PRKCB: variants seen among roughly 807,000 people sequenced by gnomAD.
PRKCB encodes protein kinase C beta.
In PRKCB, 13 loss-of-function variants were observed where a neutral mutation model predicts 81.5. That is an observed-to-expected ratio of 0.16 (90% CI 0.10 to 0.25). The LOEUF is 0.25. Ranked by LOEUF, PRKCB falls within the 10% of genes least tolerant of loss-of-function variation. The probability of loss-of-function intolerance (pLI) is 1.00; values close to 1 mark genes in which losing one functional copy is unlikely to be tolerated. For missense variants in PRKCB, 509 were observed against 875.7 expected (o/e 0.58, Z 5.29); for synonymous variants, 335 against 321.4 (o/e 1.04, Z -0.45).
At chr16:24,057,338 AAAG>A (rs1460569696) in intron 5 of PRKCB, among the ~76,000 whole-genome samples, 1 of 152,188 alleles carries the variant, frequency 6.6e-6, no homozygotes, top group African/African-American at 2.4e-5. Flanking sequence ...TCACTTGCCC[AAAG>A]TCCCATCGCT....
At chr16:23,980,636 C>T (rs74586042) in intron 2 of PRKCB, among the ~76,000 whole-genome samples, 5,051 of 152,142 alleles carry the variant, frequency 0.033, 128 homozygotes, top group Middle Eastern at 0.054. Context: ...AGGTGATGGG[C>T]TTCTCATTTC....
At chr16:24,106,158 G>A (rs1396004343) in intron 7 of PRKCB, among the ~76,000 whole-genome samples, 2 of 151,858 alleles carry the variant, frequency 1.3e-5, no homozygotes, top group South Asian at 4.2e-4. Flanking sequence ...AGACTTCCCG[G>A]GTTAGAATTT....
chr16:24,124,006 C>T, intron 9 of PRKCB, 25 bp downstream of exon 9: 1 of 1,613,352 alleles, frequency 6.2e-7, no homozygotes, highest in East Asian at 2.2e-5. Flanking sequence ...GGTGGCTCCA[C>T]CTGCTTTGGA....
At chr16:23,883,873 T>C (rs982292447) in intron 2 of PRKCB, among the ~76,000 whole-genome samples, 6 of 152,218 alleles carry the variant, frequency 3.9e-5, no homozygotes, top group African/African-American at 1.4e-4. Flanking sequence ...GAGCTGTGTA[T>C]GTAATTTAAA....
intron 9 of PRKCB, among the ~76,000 whole-genome samples, chr16:24,137,044 A>ATTTT (rs11321761): frequency 7.2e-6 from 1 of 139,560 alleles, no homozygotes; most frequent in African/African-American, 2.7e-5. Flanking sequence ...TGCCCGGCTA[A>ATTTT]TTTTTTTTTT....
At chr16:23,867,364 C>CTG (rs1457980488) in intron 2 of PRKCB, among the ~76,000 whole-genome samples, 2 of 152,148 alleles carry the variant, frequency 1.3e-5, no homozygotes, top group Admixed American at 6.5e-5. Flanking sequence ...TCAGGTGATC[C>CTG]ACCGGCCTCG....
chr16:23,936,012 A>G (rs1367932725), intron 2 of PRKCB, among the ~76,000 whole-genome samples: 1 of 152,184 alleles, frequency 6.6e-6, no homozygotes, highest in Non-Finnish European at 1.5e-5. Flanking sequence ...CTGTATCTAA[A>G]ATGAAAGTTG....
intron 13 of PRKCB, among the ~76,000 whole-genome samples, chr16:24,182,752 T>A (rs949370765): frequency 6.6e-6 from 1 of 152,080 alleles, no homozygotes; most frequent in Non-Finnish European, 1.5e-5. Context: ...AGCCACACAG[T>A]TGAGGGTTTC....
At chr16:24,012,152 A>G (rs1965211947) in intron 3 of PRKCB, among the ~76,000 whole-genome samples, 1 of 152,070 alleles carries the variant, frequency 6.6e-6, no homozygotes, top group South Asian at 2.1e-4. Context: ...CTTCACCCTC[A>G]TTTTCTCTCC....
chr16:23,979,856 G>A (rs1305321709), intron 2 of PRKCB, among the ~76,000 whole-genome samples: 1 of 152,186 alleles, frequency 6.6e-6, no homozygotes, highest in East Asian at 1.9e-4. Context: ...ACCGAAGGCA[G>A]GAGGATCACT....
At chr16:23,864,856 G>A (rs1962745008) in intron 2 of PRKCB, among the ~76,000 whole-genome samples, 1 of 152,152 alleles carries the variant, frequency 6.6e-6, no homozygotes, top group Non-Finnish European at 1.5e-5. Context: ...CCTAGCATCT[G>A]ATAGGTAGTT....
rs113849948 is a variant in PRKCB at position 23,867,062 on chromosome 16, C to T, written c.205+29656C>T. Among the ~76,000 whole-genome samples the T allele has an allele frequency of 1.0e-3, 66 of 63,776 alleles. 1 individual carries two copies. The highest frequency in any genetic ancestry group is 2.9e-3 in the African/African-American group (47 of 16,266). 41.8% of individuals were successfully genotyped at this position (63,776 alleles called of 152,430 possible). Reference sequence around the variant, plus strand: ...CTTCCTTCCTTCCTTCTCTCTCTCTCTCTTTCTTTCTTTCTCTTTCTTTCT... The same window carrying T: ...CTTCCTTCCTTCCTTCTCTCTCTCTTTCTTTCTTTCTTTCTCTTTCTTTCT... On this transcript the variant is annotated intron_variant, in intron 2 of 16. Coordinates refer to ENST00000643927, the MANE Select transcript of PRKCB (RefSeq NM_002738.7).
Position 24,217,261 on chromosome 16 carries a change from AATAG to A in PRKCB, c.*2449_*2452del. ...TTTCAAAAGTTTAATAGTTTGCAGA[AATAG>A]ATACTCAAGCCAAAGTCTGTTTTAG... On this transcript the variant is annotated 3_prime_UTR_variant, in exon 17 of 17. Transcript: ENST00000643927. 10 of 985,442 alleles carry A rather than the reference AATAG, an allele frequency of 1.0e-5. No individual in the cohort carries two copies. The highest frequency in any genetic ancestry group is 1.7e-5 in the African/African-American group (1 of 57,378). 61.0% of individuals were successfully genotyped at this position (985,442 alleles called of 1,614,324 possible). A position where few individuals can be genotyped will look rare whatever the true frequency, so the allele number is the denominator to read the frequency against.
At chr16:23,990,412 C>T (rs1364589763) in intron 3 of PRKCB, among the ~76,000 whole-genome samples, 1 of 150,568 alleles carries the variant, frequency 6.6e-6, no homozygotes, top group Admixed American at 6.6e-5. Flanking sequence ...AAGCGGAGAT[C>T]GCACCACTGC....
At chr16:24,106,440 T>TAG (rs1445645074) in intron 7 of PRKCB, among the ~76,000 whole-genome samples, 5 of 151,994 alleles carry the variant, frequency 3.3e-5, no homozygotes, top group Non-Finnish European at 7.4e-5. Flanking sequence ...ATTGACCCTA[T>TAG]AGAGAGAGAG....
intron 5 of PRKCB, among the ~76,000 whole-genome samples, chr16:24,041,841 A>G (rs992953010): frequency 5.0e-4 from 76 of 151,928 alleles, no homozygotes; most frequent in Admixed American, 4.2e-3. Context: ...AAAATTAGCC[A>G]GGTGTGGTGG....
chr16:23,837,285 G>A, intron 1 of PRKCB, 90 bp from the exon 2 acceptor site: 1 of 1,519,556 alleles, frequency 6.6e-7, no homozygotes, highest in Non-Finnish European at 9.1e-7. Context: ...GGGTACAGAG[G>A]CAGGGAGGAA....
At chr16:23,942,295 A>C (rs1964149203) in intron 2 of PRKCB, among the ~76,000 whole-genome samples, 1 of 152,198 alleles carries the variant, frequency 6.6e-6, no homozygotes, top group South Asian at 2.1e-4. Context: ...AGTGGTTTAC[A>C]TTTTCTTTTA....
rs1160842975 is a variant in PRKCB at position 24,049,047 on chromosome 16, G to GTTTTTTTTTTTTTT, written c.529+13517_529+13530dup. Among the ~76,000 whole-genome samples, 6 of 49,692 alleles carry GTTTTTTTTTTTTTT rather than the reference G, an allele frequency of 1.2e-4. 2 individuals are homozygous for GTTTTTTTTTTTTTT. Among genetic ancestry groups the GTTTTTTTTTTTTTT allele is most frequent in the Admixed American group, 7.3e-4 (2 of 2,730 alleles). 32.6% of individuals were successfully genotyped at this position (49,692 alleles called of 152,430 possible). On this transcript the variant is annotated intron_variant, in intron 5 of 16. Coordinates refer to ENST00000643927, the MANE Select transcript of PRKCB (RefSeq NM_002738.7). ...TGATAACATTTCTTCAAATTGGCCT[G>GTTTTTTTTTTTTTT]TTTTTTTTTTTTTTTTTTTTTTTTT...
Sources: allele counts gnomAD v4.1 joint callset (sites outside exome capture counted in the v4.1 genomes callset), GRCh38; gene constraint gnomAD v4.1.1; transcripts MANE v1.5; gene names NCBI Gene and HGNC (gene_info 2026-07-23, HGNC 2026-07-21).